SPON1: variants seen among roughly 807,000 people sequenced by gnomAD.
SPON1 encodes the protein spondin-1.
In SPON1, 52 loss-of-function variants were observed where a neutral mutation model predicts 111.7. That is an observed-to-expected ratio of 0.47 (90% CI 0.37 to 0.59). The LOEUF (loss-of-function observed/expected upper bound fraction) is 0.59, where lower values mean the gene tolerates loss of function less well. Ranked by LOEUF, SPON1 falls within the 20% of genes least tolerant of loss-of-function variation. The pLI is 0.00. For synonymous variants in SPON1, 410 were observed against 395.8 expected, an observed-to-expected ratio of 1.04 and a Z score of -0.43; for missense variants, 957 against 1,068.5, an observed-to-expected ratio of 0.90 and a Z score of 1.46.
intron 6 of SPON1, among the ~76,000 whole-genome samples, chr11:14,238,915 A>G (rs1554939443): frequency 1.3e-5 from 2 of 152,202 alleles, no homozygotes; most frequent in South Asian, 4.1e-4. Context: ...ACTTTGTTTG[A>G]AAAGGGTCCT....
intron 13 of SPON1, 82 bp from the exon 14 acceptor site, chr11:14,260,494 AGCAGGGGACTCG>A: frequency 7.2e-7 from 1 of 1,393,660 alleles, no homozygotes; most frequent in Non-Finnish European, 9.8e-7. Flanking sequence ...CAGGGGCCAA[AGCAGGGGACTCG>A]GTGTGGAACA....
intron 5 of SPON1, among the ~76,000 whole-genome samples, chr11:14,127,464 G>T (rs1343547838): frequency 6.6e-6 from 1 of 151,970 alleles, no homozygotes; most frequent in Non-Finnish European, 1.5e-5. Context: ...AATGTCAAAG[G>T]GCCTTCTATT....
chr11:14,254,569 G>T lies in SPON1; in HGVS notation c.932G>T (p.Arg311Leu), dbSNP rs369560786. ...PSAEFSVDRT[R>L]HLMSFLTMMG... ...GCTGAATTTTCCGTGGACAGAACGC[G>T]CCATTTAATGTCCTTCCTGACCATG... The change falls in exon 8 of 16, where the codon CGC becomes CTC. Residue 311 changes from arginine (R) to leucine (L), a missense_variant. This residue lies in a region of SPON1 where 122 missense variants were observed against 143.2 expected (regional missense o/e 0.85). Coordinates refer to ENST00000576479, the MANE Select transcript of SPON1 (RefSeq NM_006108.4). 2.5e-6 allele frequency: 4 copies of T among 1,612,992 alleles called. No homozygotes were observed.
chr11:14,204,676 A>G (rs2133898616), intron 6 of SPON1, among the ~76,000 whole-genome samples: 1 of 148,840 alleles, frequency 6.7e-6, no homozygotes, highest in African/African-American at 2.5e-5. Context: ...TTCAGATAAG[A>G]TCCTCCCCAT....
chr11:14,160,810 AT>A lies in SPON1; in HGVS notation c.825+25247del, dbSNP rs1192930195. 1.6e-4 allele frequency among the ~76,000 whole-genome samples: 8 copies of A among 49,492 alleles called. 1 individual carries two copies. The highest frequency in any genetic ancestry group is 5.4e-4 in the African/African-American group (7 of 12,846). 32.5% of individuals were successfully genotyped at this position (49,492 alleles called of 152,430 possible). A position where few individuals can be genotyped will look rare whatever the true frequency, so the allele number is the denominator to read the frequency against. ...TATATATTTATATATTTTTATATAT[AT>A]TTTTATATATATTTTATATATATTT... On this transcript the variant is annotated intron_variant, in intron 6 of 15. Transcript: ENST00000576479.
At chr11:14,039,794 C>T (rs1848619528) in intron 2 of SPON1, among the ~76,000 whole-genome samples, 1 of 151,926 alleles carries the variant, frequency 6.6e-6, no homozygotes, top group Non-Finnish European at 1.5e-5. Flanking sequence ...CCTCTGGGTG[C>T]CAGAAAGGAA....
At position 14,193,911 on chromosome 11, in the gene SPON1, C is replaced by T. The variant is rs540654628; in HGVS notation, c.826-49421C>T. 2.6e-5 allele frequency among the ~76,000 whole-genome samples: 4 copies of T among 152,316 alleles called. No individual in the cohort carries two copies. The South Asian group carries it at 8.3e-4, about 32-fold the overall frequency. ...GGCCACTCATGGCTTTCAGAGTATG[C>T]TGCTTCCCTGAGGAGCTCACCAAGG... is the stretch of plus-strand genomic sequence containing the variant. On this transcript the variant is annotated intron_variant, in intron 6 of 15. Coordinates refer to ENST00000576479, the MANE Select transcript of SPON1 (RefSeq NM_006108.4).
chr11:14,069,815 C>A (rs1388808759), intron 3 of SPON1, among the ~76,000 whole-genome samples: 5 of 124,088 alleles, frequency 4.0e-5, no homozygotes, highest in African/African-American at 1.3e-4. Flanking sequence ...GCAGAGACTG[C>A]AGCCTTACCC....
intron 1 of SPON1, among the ~76,000 whole-genome samples, chr11:13,978,311 T>A (rs945420246): frequency 6.6e-6 from 1 of 152,136 alleles, no homozygotes; most frequent in Non-Finnish European, 1.5e-5. Flanking sequence ...TAATTTAGAT[T>A]GATGAAACCT....
intron 4 of SPON1, 30 bp from the exon 5 acceptor site, chr11:14,079,869 C>T: frequency 1.2e-6 from 2 of 1,613,634 alleles, no homozygotes; most frequent in Non-Finnish European, 1.7e-6. Context: ...CGTTTACTTT[C>T]TAACTTGGTG....
At chr11:14,071,691 G>C (rs1848877527) in intron 3 of SPON1, among the ~76,000 whole-genome samples, 2 of 151,900 alleles carry the variant, frequency 1.3e-5, no homozygotes, top group South Asian at 4.2e-4. Context: ...AACTCAGGGA[G>C]GATAAATGAA....
intron 2 of SPON1, among the ~76,000 whole-genome samples, chr11:14,033,983 G>A (rs1462259001): frequency 2.0e-5 from 3 of 152,066 alleles, no homozygotes; most frequent in African/African-American, 7.2e-5. Context: ...ATATAAAATA[G>A]AAATGTTATC....
intron 7 of SPON1, among the ~76,000 whole-genome samples, chr11:14,250,216 T>C (rs1251422291): frequency 2.6e-5 from 4 of 152,244 alleles, no homozygotes; most frequent in Admixed American, 2.0e-4. Context: ...GTTTTCATTT[T>C]ACAGAAGGTC....
At chr11:14,212,334 C>T (rs1848585386) in intron 6 of SPON1, among the ~76,000 whole-genome samples, 1 of 152,058 alleles carries the variant, frequency 6.6e-6, no homozygotes, top group Non-Finnish European at 1.5e-5. Flanking sequence ...TCCATTACTG[C>T]TTTAATAGGG....
intron 6 of SPON1, among the ~76,000 whole-genome samples, chr11:14,209,666 G>A (rs1312552418): frequency 1.3e-5 from 2 of 152,156 alleles, no homozygotes; most frequent in African/African-American, 2.4e-5. Flanking sequence ...TATCATTGAT[G>A]GGCATTTGGG....
intron 6 of SPON1, among the ~76,000 whole-genome samples, chr11:14,136,917 A>G (rs1220406717): frequency 1.3e-5 from 2 of 152,174 alleles, no homozygotes; most frequent in African/African-American, 4.8e-5. Context: ...TGTCTGGCCT[A>G]TCATGGGGGA....
Position 13,963,133 on chromosome 11 carries a change from A to G in SPON1, c.229A>G (p.Ser77Gly). The change falls in exon 1 of 16, where the codon AGC (serine) becomes GGC (glycine). Residue 77 changes from serine to glycine, a missense_variant. Ser to Gly is a moderately conservative substitution (Grantham distance 56). Around this residue, in one of 5 missense-constraint regions of SPON1, gnomAD observed 262 missense variants for 253.9 expected, o/e 1.03. Transcript: ENST00000576479. ...GDPDFYKPGT[S>G]YRVTLSAAPP... ...CCCCGACTTCTACAAGCCGGGAACC[A>G]GCTACCGCGGTAAGTGGCCGCCCGG... 1.3e-6 allele frequency: 2 copies of G among 1,508,470 alleles called. No homozygotes were observed. Among genetic ancestry groups the G allele is most frequent in the African/African-American group, 1.4e-5 (1 of 69,888 alleles). The allele number at this position is 1,508,470 out of a possible 1,614,324, so 93.4% of individuals were successfully genotyped here.
intron 6 of SPON1, among the ~76,000 whole-genome samples, chr11:14,236,546 C>T (rs550687547): frequency 6.6e-6 from 1 of 152,238 alleles, no homozygotes; most frequent in South Asian, 2.1e-4. Flanking sequence ...AAGATTACAG[C>T]TTAGGAATCA....
chr11:14,006,795 C>T (rs947281188), intron 2 of SPON1, among the ~76,000 whole-genome samples: 2 of 152,156 alleles, frequency 1.3e-5, no homozygotes, highest in Non-Finnish European at 2.9e-5. Flanking sequence ...ACACCTGAGC[C>T]CTGCACCTGG....
Sources: gnomAD v4.1 joint callset for allele counts (sites outside exome capture counted in the v4.1 genomes callset) on GRCh38, gnomAD v4.1.1 for gene constraint, gnomAD v4.1.1 regional missense constraint, MANE v1.5 for transcripts, NCBI Gene and HGNC (gene_info 2026-07-23, HGNC 2026-07-21) for gene names.